The following PARD3 variants were observed in gnomAD, a reference collection of about 807,000 sequenced individuals.
PARD3 encodes the protein par-3 family cell polarity regulator.
In PARD3, 75 loss-of-function variants were observed where a neutral mutation model predicts 155.4. That is an observed-to-expected ratio of 0.48 (90% CI 0.40 to 0.58). PARD3 has a LOEUF of 0.58. PARD3 is among the 20% of genes least tolerant of loss of function. The pLI is 0.00. For synonymous variants in PARD3, 576 were observed against 610.5 expected (o/e 0.94, Z 0.83); for missense variants, 1,642 against 1,721.7 (o/e 0.95, Z 0.82).
In PARD3 at chr10:34,738,954, T is replaced by G. The variant is rs112066406; in HGVS notation, c.121-42535A>C. On this transcript the variant is annotated intron_variant, in intron 1 of 24. Coordinates refer to ENST00000374788, the MANE Select transcript of PARD3 (RefSeq NM_001184785.2). Reference sequence around the variant, plus strand: ...AACAAGCACAAATGGGGGTGTTCAGTAAATGGTAATGATTGATATATCTGA... The same window carrying G: ...AACAAGCACAAATGGGGGTGTTCAGGAAATGGTAATGATTGATATATCTGA... Among the ~76,000 whole-genome samples the G allele has an allele frequency of 5.5e-3, 840 of 152,262 alleles. 9 individuals carry two copies. The highest frequency in any genetic ancestry group is 0.019 in the African/African-American group (799 of 41,540).
intron 19 of PARD3, among the ~76,000 whole-genome samples, chr10:34,330,815 AT>A (rs1234592375): frequency 2.6e-5 from 4 of 152,054 alleles, no homozygotes. Context: ...ACTGTTAAAT[AT>A]TTTTTCAGAA....
chr10:34,254,096 T>G (rs929237829), intron 22 of PARD3, among the ~76,000 whole-genome samples: 3 of 152,122 alleles, frequency 2.0e-5, no homozygotes, highest in African/African-American at 7.2e-5. Context: ...TAAAAAAATT[T>G]TAAGGCCGGG....
chr10:34,667,508 T>A (rs1348030722), intron 2 of PARD3, among the ~76,000 whole-genome samples: 1 of 152,252 alleles, frequency 6.6e-6, no homozygotes, highest in Non-Finnish European at 1.5e-5. Context: ...AATTGTCACC[T>A]ATTCATCACT....
At chr10:34,359,061 G>T in intron 14 of PARD3, 86 bp downstream of exon 14, 1 of 942,706 alleles carries the variant, frequency 1.1e-6, no homozygotes, top group South Asian at 1.6e-5. Context: ...GTAAGGTCCT[G>T]GAACCTAATA....
At chr10:34,529,741 CTTTTT>C (rs34318724) in intron 2 of PARD3, among the ~76,000 whole-genome samples, 1 of 149,808 alleles carries the variant, frequency 6.7e-6, no homozygotes, top group Non-Finnish European at 1.5e-5. Flanking sequence ...TTTTACTTTA[CTTTTT>C]TTTTTGAGAT....
intron 1 of PARD3, among the ~76,000 whole-genome samples, chr10:34,697,468 A>C (rs11009877): frequency 6.6e-6 from 1 of 152,140 alleles, no homozygotes; most frequent in African/African-American, 2.4e-5. Flanking sequence ...ACTGACTAAG[A>C]CCCTGGAGCA....
chr10:34,155,975 C>T (rs895291386), intron 22 of PARD3, among the ~76,000 whole-genome samples: 15 of 152,130 alleles, frequency 9.9e-5, no homozygotes, highest in African/African-American at 3.6e-4. Flanking sequence ...ACAGCTCCCA[C>T]CTGATCTGGA....
chr10:34,118,915 T>C (rs1197001870), intron 24 of PARD3, among the ~76,000 whole-genome samples: 1 of 152,238 alleles, frequency 6.6e-6, no homozygotes, highest in Admixed American at 6.5e-5. Flanking sequence ...TTTTATTCTT[T>C]ACTATGCCTG....
chr10:34,228,640 T>C (rs1353213253), intron 22 of PARD3, among the ~76,000 whole-genome samples: 2 of 152,066 alleles, frequency 1.3e-5, no homozygotes, highest in Non-Finnish European at 2.9e-5. Context: ...GTGAATTATA[T>C]GATATGAACA....
At chr10:34,140,398 T>G (rs1948125684) in intron 22 of PARD3, among the ~76,000 whole-genome samples, 1 of 152,228 alleles carries the variant, frequency 6.6e-6, no homozygotes, top group South Asian at 2.1e-4. Context: ...CGGTACCTGT[T>G]CAAAGCACAC....
At chr10:34,251,904 T>G (rs1954333466) in intron 22 of PARD3, among the ~76,000 whole-genome samples, 1 of 152,166 alleles carries the variant, frequency 6.6e-6, no homozygotes, top group African/African-American at 2.4e-5. Context: ...CTTAATTTAT[T>G]GAACATATTT....
At chr10:34,473,299 A>G (rs1217221934) in intron 3 of PARD3, among the ~76,000 whole-genome samples, 1 of 152,206 alleles carries the variant, frequency 6.6e-6, no homozygotes, top group East Asian at 1.9e-4. Flanking sequence ...ACGCAATTTC[A>G]GGTGCCACGT....
At chr10:34,790,943 G>C (rs2134243060) in intron 1 of PARD3, among the ~76,000 whole-genome samples, 1 of 152,208 alleles carries the variant, frequency 6.6e-6, no homozygotes, top group Non-Finnish European at 1.5e-5. Flanking sequence ...GCATGCACAG[G>C]GAAGCGCATG....
chr10:34,224,940 C>T (rs1440227427), intron 22 of PARD3, among the ~76,000 whole-genome samples: 1 of 152,156 alleles, frequency 6.6e-6, no homozygotes, highest in African/African-American at 2.4e-5. Flanking sequence ...CCTGAACAAG[C>T]TGGTTCCCTG....
In PARD3 at chr10:34,445,880, CTG is replaced by C. The variant is rs150843702; in HGVS notation, c.714+4435_714+4436del. Among the ~76,000 whole-genome samples, 199 of 152,044 alleles carry C rather than the reference CTG, an allele frequency of 1.3e-3. 1 individual carries two copies. Among genetic ancestry groups the C allele is most frequent in the African/African-American group, 4.4e-3 (184 of 41,490 alleles). On this transcript the variant is annotated intron_variant, in intron 5 of 24. Transcript: ENST00000374788. ...CATATCCCTTGCTTAACAGATCTGA[CTG>C]TGTGAAGTGATGGGAAACTGTGTTT...
chr10:34,411,961 T>C (rs1845126838), intron 5 of PARD3, among the ~76,000 whole-genome samples: 1 of 133,806 alleles, frequency 7.5e-6, no homozygotes, highest in Admixed American at 7.6e-5. Flanking sequence ...TGTGTGTGTG[T>C]GTATTTCCTC....
chr10:34,148,295 C>T (rs760463999), intron 22 of PARD3, among the ~76,000 whole-genome samples: 1 of 152,164 alleles, frequency 6.6e-6, no homozygotes, highest in Non-Finnish European at 1.5e-5. Context: ...ACAAGCCAAC[C>T]ACCTGACATG....
intron 5 of PARD3, among the ~76,000 whole-genome samples, chr10:34,424,207 T>C (rs2075466499): frequency 6.6e-6 from 1 of 152,090 alleles, no homozygotes; most frequent in Non-Finnish European, 1.5e-5. Context: ...ATGCAGGGGA[T>C]GAAAAATAAA....
At chr10:34,328,822 A>C (rs1835312621) in intron 19 of PARD3, among the ~76,000 whole-genome samples, 1 of 152,224 alleles carries the variant, frequency 6.6e-6, no homozygotes, top group Admixed American at 6.5e-5. Flanking sequence ...TCAACAACCA[A>C]AATTGGAAAA....
Sources: gnomAD v4.1 joint callset for allele counts (sites outside exome capture counted in the v4.1 genomes callset) on GRCh38, gnomAD v4.1.1 for gene constraint, MANE v1.5 for transcripts, NCBI Gene and HGNC (gene_info 2026-07-23, HGNC 2026-07-21) for gene names.